The following DYNC2LI1 variants were observed in gnomAD, a reference collection of about 807,000 sequenced individuals.
The protein encoded by DYNC2LI1 is dynein cytoplasmic 2 light intermediate chain 1, also known as cytoplasmic dynein 2 light intermediate chain 1.
DYNC2LI1 carries 45 observed loss-of-function variants against 51.9 expected under a neutral mutation model. The observed-to-expected ratio is 0.87, with a 90% CI of 0.68 to 1.11. DYNC2LI1 has a LOEUF of 1.11. DYNC2LI1 is among the 50% of genes most tolerant of loss of function. DYNC2LI1 has a pLI of 0.00. For synonymous variants in DYNC2LI1, 130 were observed against 137.8 expected (o/e 0.94, Z 0.40); for missense variants, 490 against 417.4 (o/e 1.17, Z -1.51).
Position 43,787,233 on chromosome 2 carries a change from G to C in DYNC2LI1, c.214G>C (p.Ala72Pro), listed in dbSNP as rs750785792. The change falls in exon 4 of 13, where the codon GCA (alanine) becomes CCA (proline). Residue 72 changes from alanine (A) to proline (P), a missense_variant. Ala to Pro is a conservative substitution (Grantham distance 27). Transcript: ENST00000260605. ...TTTGGAATATACATATGGAAGAAGA[G>C]CAAAAGGGCACAACACAGTAAGTGT... ...LALEYTYGRR[A>P]KGHNTPKDIA... The C allele has an allele frequency of 6.2e-7, 1 of 1,613,082 alleles. No homozygotes were observed. The highest frequency in any genetic ancestry group is 8.5e-7 in the Non-Finnish European group (1 of 1,179,396).
At chr2:43,790,425 G>A (rs977060166) in intron 5 of DYNC2LI1, among the ~76,000 whole-genome samples, 22 of 152,090 alleles carry the variant, frequency 1.4e-4, no homozygotes, top group Non-Finnish European at 3.1e-4. Flanking sequence ...AAATACAAAG[G>A]GCTTGACAAT....
intron 4 of DYNC2LI1, 76 bp downstream of exon 4, chr2:43,787,326 C>T (rs1042830604): frequency 1.6e-6 from 2 of 1,235,730 alleles, no homozygotes; most frequent in Admixed American, 1.8e-5. Context: ...TTACATTTTC[C>T]ATCTCATCTG....
the DYNC2LI1 span, chr2:43,822,584 G>C: frequency 2.0e-6 from 2 of 984,206 alleles, no homozygotes; most frequent in Non-Finnish European, 2.4e-6. Flanking sequence ...ATGTCATCTT[G>C]TTGGTTTGTT....
In DYNC2LI1 at chr2:43,808,704, T is replaced by C. The variant is rs1379476528; in HGVS notation, c.994-1001T>C. On this transcript the variant is annotated intron_variant, in intron 12 of 12. Coordinates refer to ENST00000260605, the MANE Select transcript of DYNC2LI1 (RefSeq NM_016008.4). ...GTATATAAAATAGAAAATGGAAGTA[T>C]CCTGCCCTCTCCCTATCTGTGTGCT... Among the ~76,000 whole-genome samples, 3 of 152,146 alleles carry C rather than the reference T, an allele frequency of 2.0e-5. No individual in the cohort carries two copies. In the East Asian group the frequency reaches 5.8e-4, roughly 29 times the overall value.
chr2:43,812,873 T>G, downstream of DYNC2LI1: 1 of 526,060 alleles, frequency 1.9e-6, no homozygotes, highest in Non-Finnish European at 3.4e-6. Flanking sequence ...CATTCTTGGG[T>G]CCGCTCAGTC....
chr2:43,801,467 A>T (rs1035141066), intron 9 of DYNC2LI1, 172 bp from the exon 10 acceptor site: 1 of 476,552 alleles, frequency 2.1e-6, no homozygotes. Flanking sequence ...TTTATGCTAT[A>T]TGTTAATTTT....
rs1228175733 is a variant in DYNC2LI1, at chr2:43,792,631, ACT to A, written c.321-1823_321-1822del. On this transcript the variant is annotated intron_variant, in intron 5 of 12. Coordinates refer to ENST00000260605, the MANE Select transcript of DYNC2LI1 (RefSeq NM_016008.4). Reference sequence around the variant, plus strand: ...AACTTTTTGATCTTCTCAAACTGAAACTCTTTACCTATTAAACAATAACTCCT... The same window carrying A: ...AACTTTTTGATCTTCTCAAACTGAAACTTTACCTATTAAACAATAACTCCT... 2.7e-6 allele frequency: 4 copies of A among 1,503,030 alleles called. No individual in the cohort carries two copies. The Admixed American group carries it at 9.6e-5, about 36-fold the overall frequency. The allele number at this position is 1,503,030 out of a possible 1,614,324, so 93.1% of individuals were successfully genotyped here.
At chr2:43,786,150 C>G (rs1025437261) in intron 3 of DYNC2LI1, among the ~76,000 whole-genome samples, 1 of 152,116 alleles carries the variant, frequency 6.6e-6, no homozygotes, top group Admixed American at 6.5e-5. Flanking sequence ...CATGTTTGGG[C>G]TGTGATTTAA....
intron 10 of DYNC2LI1, among the ~76,000 whole-genome samples, chr2:43,802,405 C>G (rs1456708756): frequency 6.8e-6 from 1 of 147,102 alleles, no homozygotes; most frequent in Non-Finnish European, 1.5e-5. Context: ...TTCCCATCCT[C>G]TGTTAGTCTT....
intron 3 of DYNC2LI1, among the ~76,000 whole-genome samples, chr2:43,786,654 C>T (rs1447389303): frequency 6.6e-6 from 1 of 152,062 alleles, no homozygotes; most frequent in African/African-American, 2.4e-5. Flanking sequence ...GAAACCCTGT[C>T]TTTACTAAAA....
chr2:43,818,398 C>T, the DYNC2LI1 span, among the ~76,000 whole-genome samples: 6 of 152,118 alleles, frequency 3.9e-5, no homozygotes, highest in African/African-American at 1.2e-4. Context: ...GAGCTGAGAT[C>T]GCGCCATTGC....
At chr2:43,821,866 C>G in the DYNC2LI1 span, among the ~76,000 whole-genome samples, 19 of 151,510 alleles carry the variant, frequency 1.3e-4, no homozygotes, top group African/African-American at 4.1e-4. Context: ...ATTTTTCATT[C>G]TCTCTCTCTC....
In DYNC2LI1 at chr2:43,776,910, C is replaced by CT. The variant is rs752918000; in HGVS notation, c.126+18dup. 19 of 1,316,184 alleles carry CT rather than the reference C, an allele frequency of 1.4e-5. No individual in the cohort carries two copies. Among genetic ancestry groups the CT allele is most frequent in the Non-Finnish European group, 1.9e-5 (18 of 924,192 alleles). 81.5% of individuals were successfully genotyped at this position (1,316,184 alleles called of 1,614,324 possible). On this transcript the variant is annotated intron_variant, in intron 2 of 12. Coordinates refer to ENST00000260605, the MANE Select transcript of DYNC2LI1 (RefSeq NM_016008.4). ...GGCAGTAAAAATGGGGTAATGCTTT[C>CT]TTTTTTTCAATTATTGTGATGATTT...
intron 3 of DYNC2LI1, among the ~76,000 whole-genome samples, chr2:43,784,404 A>G (rs1237329173): frequency 2.0e-5 from 3 of 152,176 alleles, no homozygotes. Flanking sequence ...AAATACTACA[A>G]AATAGTACAT....
At chr2:43,810,224 C>T (rs879906141), downstream of DYNC2LI1, among the ~76,000 whole-genome samples, 7 of 152,184 alleles carry the variant, frequency 4.6e-5, no homozygotes, top group Admixed American at 3.9e-4. Context: ...AACAGTGAGG[C>T]GCAAGAAGCA....
chr2:43,775,035 T>C (rs189812211), intron 1 of DYNC2LI1, among the ~76,000 whole-genome samples: 1 of 119,200 alleles, frequency 8.4e-6, no homozygotes, highest in African/African-American at 4.4e-5. Flanking sequence ...TTCCTGGTTC[T>C]TGAATAGTAT....
intron 1 of DYNC2LI1, chr2:43,775,779 C>T (rs749426105): frequency 2.7e-6 from 1 of 364,080 alleles, no homozygotes; most frequent in South Asian, 2.0e-5. Flanking sequence ...CATCCACCTC[C>T]TGAGTTCAGG....
At chr2:43,782,757 A>C (rs1052873850) in intron 2 of DYNC2LI1, among the ~76,000 whole-genome samples, 1 of 152,038 alleles carries the variant, frequency 6.6e-6, no homozygotes. Flanking sequence ...TGAGGTGGGC[A>C]GATTAGATGA....
intron 11 of DYNC2LI1, 57 bp from the exon 12 acceptor site, chr2:43,805,097 G>T: frequency 9.1e-7 from 1 of 1,093,408 alleles, no homozygotes; most frequent in Non-Finnish European, 1.4e-6. Flanking sequence ...TAGGCAGATG[G>T]TAGCCATTGA....
Sources: allele counts gnomAD v4.1 joint callset (sites outside exome capture counted in the v4.1 genomes callset), GRCh38; gene constraint gnomAD v4.1.1; transcripts MANE v1.5; gene names NCBI Gene and HGNC (gene_info 2026-07-23, HGNC 2026-07-21).